The following KIF17 variants were observed in gnomAD, a reference collection of about 807,000 sequenced individuals.
KIF17 encodes kinesin-like protein KIF17.
A neutral mutation model predicts 96.8 loss-of-function variants in KIF17; 80 were observed. The observed-to-expected ratio is 0.83, with a 90% CI of 0.69 to 1.00. KIF17 has a LOEUF of 1.00. Ranked by LOEUF, KIF17 falls within the 50% of genes least tolerant of loss-of-function variation. The pLI is 0.00. For synonymous variants in KIF17, 567 were observed against 587.5 expected, an observed-to-expected ratio of 0.97 and a Z score of 0.51; for missense variants, 1,280 against 1,372.9, an observed-to-expected ratio of 0.93 and a Z score of 1.07.
At chr1:20,674,575 C>CT (rs34777403) in intron 11 of KIF17, among the ~76,000 whole-genome samples, 56,800 of 142,210 alleles carry the variant, frequency 0.4, 11,312 homozygotes, top group Non-Finnish European at 0.43. Context: ...ATTTATCCCT[C>CT]TTTTTTTTTT....
intron 11 of KIF17, among the ~76,000 whole-genome samples, chr1:20,680,435 A>C (rs2053810324): frequency 6.6e-6 from 1 of 152,176 alleles, no homozygotes; most frequent in Admixed American, 6.5e-5. Context: ...CACAAGGCCA[A>C]GTGCAGTGGC....
intron 11 of KIF17, 121 bp downstream of exon 11, chr1:20,682,532 A>C (rs1263845277): frequency 2.5e-6 from 2 of 799,110 alleles, no homozygotes; most frequent in East Asian, 2.5e-5. Context: ...AAATGCATGC[A>C]TGCCTGCTGT....
chr1:20,703,940 AAAAG>A (rs61612864), intron 5 of KIF17, among the ~76,000 whole-genome samples: 4,221 of 152,054 alleles, frequency 0.028, 186 homozygotes, highest in African/African-American at 0.095. Flanking sequence ...CAAAAAAAAA[AAAAG>A]AGTCCTTCAG....
chr1:20,665,381 C>T (rs1350515231), intron 14 of KIF17, among the ~76,000 whole-genome samples: 1 of 148,462 alleles, frequency 6.7e-6, no homozygotes, highest in African/African-American at 2.5e-5. Flanking sequence ...GCATGCATCA[C>T]CATACCCAGC....
rs138561064 is a variant in KIF17 at position 20,687,757 on chromosome 1, C to G, written c.1569G>C (p.Glu523Asp). The change falls in exon 8 of 15, where the codon GAG becomes GAC. Residue 523 changes from glutamate to aspartate, a missense_variant. Transcript: ENST00000400463. The surrounding 1 kb of genome is among the most constrained non-coding windows in gnomAD (Gnocchi z 4.4). ...SKTQVSSRFA[E>D]LPKVEPSKSE... The stretch of plus-strand genomic sequence containing the variant: ...ATTTGGAGGGTTCCACCTTGGGCAG[C>G]TCCGCAAACCTGGAGGAAACCTGAG... 188 of 1,614,216 alleles carry G rather than the reference C, an allele frequency of 1.2e-4. 1 individual carries two copies. The African/African-American group carries it at 2.1e-3, about 18-fold the overall frequency.
chr1:20,689,762 G>C (rs866389063), intron 7 of KIF17, among the ~76,000 whole-genome samples: 38 of 150,204 alleles, frequency 2.5e-4, no homozygotes, highest in African/African-American at 8.7e-4. Context: ...TTTGCTAACA[G>C]AGAGGCTCAA....
Position 20,699,994 on chromosome 1 carries a change from G to A in KIF17, c.1124-1506C>T, listed in dbSNP as rs989692187. 1.3e-5 allele frequency among the ~76,000 whole-genome samples: 2 copies of A among 152,226 alleles called. No homozygotes were observed. The highest frequency in any genetic ancestry group is 4.8e-5 in the African/African-American group (2 of 41,468). On this transcript the variant is annotated intron_variant, in intron 5 of 14. Coordinates refer to ENST00000400463, the MANE Select transcript of KIF17 (RefSeq NM_001122819.3). This position sits in a 1 kb window ranked among gnomAD's most constrained non-coding sequence, Gnocchi z 4.3. ...ACTGAGGGGAACCAGGGTTAGGCAC[G>A]AGGAGACCCGTTGCGGGGGCGTGCA...
At chr1:20,670,509 C>T (rs768639914) in intron 12 of KIF17, 21 bp from the exon 13 acceptor site, 67 of 1,612,878 alleles carry the variant, frequency 4.2e-5, no homozygotes, top group Non-Finnish European at 5.4e-5. Flanking sequence ...AAAACAAAAG[C>T]TGAAGTCACT....
chr1:20,672,752 CT>C lies in KIF17; in HGVS notation c.2464-557del, dbSNP rs1420378276. 5.1e-6 allele frequency: 1 copy of C among 194,626 alleles called. No homozygotes were observed. The highest frequency in any genetic ancestry group is 1.1e-5 in the Non-Finnish European group (1 of 92,060). 12.1% of individuals were successfully genotyped at this position (194,626 alleles called of 1,614,324 possible). A position where few individuals can be genotyped will look rare whatever the true frequency, so the allele number is the denominator to read the frequency against. On this transcript the variant is annotated intron_variant, in intron 11 of 14. Coordinates refer to ENST00000400463, the MANE Select transcript of KIF17 (RefSeq NM_001122819.3). This position sits in a 1 kb window ranked among gnomAD's most constrained non-coding sequence, Gnocchi z 4.3. ...ACCTAAGAGTAAGACCCACCTTGAT[CT>C]GATCAAGGGTTCCAGATTCTTTTGG...
At chr1:20,683,819 C>T (rs949285797) in intron 10 of KIF17, among the ~76,000 whole-genome samples, 9 of 152,188 alleles carry the variant, frequency 5.9e-5, no homozygotes, top group East Asian at 5.8e-4. Context: ...ATGCCCGGGC[C>T]GGGTCCCACC....
chr1:20,696,296 G>A (rs1053928437), intron 6 of KIF17, among the ~76,000 whole-genome samples: 3 of 152,126 alleles, frequency 2.0e-5, no homozygotes, highest in African/African-American at 7.2e-5. Flanking sequence ...CATAGCAGGT[G>A]CTCAATAAAT....
In KIF17 at chr1:20,709,706, C is replaced by A. The variant is rs1411653196; in HGVS notation, c.603G>T (p.Thr201=). 5.6e-6 allele frequency: 9 copies of A among 1,614,100 alleles called. No homozygotes were observed. Among genetic ancestry groups the A allele is most frequent in the Non-Finnish European group, 7.6e-6 (9 of 1,180,030 alleles). ...TGWKNRSVGY[T]LMNKDSSRSH... ...AGCGTGAGGAATCCTTGTTCATCAG[C>A]GTGTAGCCGACCGAACGGTTCTTCC... Residue 201 remains threonine, a synonymous_variant, in exon 4 of 15, where the codon ACG becomes ACT. Transcript: ENST00000400463. The surrounding 1 kb of genome is among the most constrained non-coding windows in gnomAD (Gnocchi z 4.7).
rs533481409 is a variant in KIF17, at chr1:20,690,383, T to C, written c.1234-48A>G. 1.9e-6 allele frequency: 3 copies of C among 1,565,504 alleles called. No homozygotes were observed. The South Asian group carries it at 3.4e-5, about 18-fold the overall frequency. On this transcript the variant is annotated intron_variant, in intron 6 of 14. Coordinates refer to ENST00000400463, the MANE Select transcript of KIF17 (RefSeq NM_001122819.3). Reference sequence around the variant, plus strand: ...AGGGCAGGCAGCATTTTATCATCATTTTGAAACCCAGCTTTCAGTATTCCT... The same window carrying C: ...AGGGCAGGCAGCATTTTATCATCATCTTGAAACCCAGCTTTCAGTATTCCT...
chr1:20,668,416 T>C (rs1486681569), intron 13 of KIF17, among the ~76,000 whole-genome samples: 2 of 152,248 alleles, frequency 1.3e-5, no homozygotes, highest in Non-Finnish European at 2.9e-5. Context: ...AAATTCCTTA[T>C]TTTTCTTATG....
chr1:20,661,848 A>T (rs1184876849), downstream of KIF17, among the ~76,000 whole-genome samples: 1 of 152,138 alleles, frequency 6.6e-6, no homozygotes, highest in East Asian at 1.9e-4. Context: ...ATTTCTAGGG[A>T]GGAGGAGTTG....
chr1:20,712,560 T>G (rs1570483418), intron 3 of KIF17, among the ~76,000 whole-genome samples: 1 of 63,990 alleles, frequency 1.6e-5, no homozygotes. Flanking sequence ...ATTATCTATA[T>G]TATATATATA....
At chr1:20,665,743 C>T (rs1404391147) in intron 14 of KIF17, among the ~76,000 whole-genome samples, 1 of 152,154 alleles carries the variant, frequency 6.6e-6, no homozygotes, top group Non-Finnish European at 1.5e-5. Context: ...GCTCTGCGGG[C>T]TTTGCTTTCA....
intron 11 of KIF17, among the ~76,000 whole-genome samples, chr1:20,678,874 TG>T (rs1212485861): frequency 2.6e-5 from 4 of 151,580 alleles, no homozygotes; most frequent in African/African-American, 9.7e-5. Flanking sequence ...GCCCTTGAGG[TG>T]GAAACTGAAA....
chr1:20,681,349 G>A (rs817785), intron 11 of KIF17, among the ~76,000 whole-genome samples: 4,076 of 151,112 alleles, frequency 0.027, 188 homozygotes, highest in African/African-American at 0.094. Flanking sequence ...CCACCACGCC[G>A]GACTAATTTT....
Sources: allele counts gnomAD v4.1 joint callset (sites outside exome capture counted in the v4.1 genomes callset), GRCh38; gene constraint gnomAD v4.1.1; non-coding constraint Gnocchi (gnomAD v3.1); transcripts MANE v1.5; gene names NCBI Gene and HGNC (gene_info 2026-07-23, HGNC 2026-07-21).